Variants in CDH13 observed in about 807,000 individuals in gnomAD.
CDH13 encodes cadherin-13.
A neutral mutation model predicts 63.8 loss-of-function variants in CDH13; 24 were observed. That is an observed-to-expected ratio of 0.38 (90% CI 0.27 to 0.53). The LOEUF is 0.53. Ranked by LOEUF, CDH13 falls within the 20% of genes least tolerant of loss-of-function variation. CDH13 has a pLI of 0.85. For synonymous variants in CDH13, 503 were observed against 355.3 expected, an observed-to-expected ratio of 1.42 and a Z score of -4.67; for missense variants, 1,049 against 903.1, an observed-to-expected ratio of 1.16 and a Z score of -2.07.
At chr16:82,972,989 G>A (rs1050451806) in intron 2 of CDH13, among the ~76,000 whole-genome samples, 3 of 152,042 alleles carry the variant, frequency 2.0e-5, no homozygotes, top group Non-Finnish European at 4.4e-5. Context: ...ATTTGTTCTG[G>A]AGTCTCGACC....
At chr16:82,983,943 G>C (rs1255957687) in intron 2 of CDH13, among the ~76,000 whole-genome samples, 1 of 152,180 alleles carries the variant, frequency 6.6e-6, no homozygotes, top group Non-Finnish European at 1.5e-5. Flanking sequence ...GAAGACACCT[G>C]ACAGAGTGGG....
chr16:82,947,034 G>GTT (rs1486330142), intron 2 of CDH13, among the ~76,000 whole-genome samples: 2 of 151,346 alleles, frequency 1.3e-5, no homozygotes, highest in Non-Finnish European at 2.9e-5. Context: ...GTGTGTGTGT[G>GTT]TGTGTGTGTG....
intron 1 of CDH13, among the ~76,000 whole-genome samples, chr16:82,817,885 A>G (rs1375619295): frequency 1.3e-5 from 2 of 152,202 alleles, no homozygotes; most frequent in African/African-American, 2.4e-5. Context: ...ATATACATCT[A>G]TGTTTACATA....
At chr16:83,665,848 A>G (rs1449924348) in intron 8 of CDH13, among the ~76,000 whole-genome samples, 1 of 152,192 alleles carries the variant, frequency 6.6e-6, no homozygotes, top group African/African-American at 2.4e-5. Flanking sequence ...TGGAGGAAGA[A>G]CATGCATTCT....
rs1275545139 is a variant in CDH13, at chr16:83,191,469, A to ATATG, written c.484-25873_484-25872insGTAT. 4.7e-3 allele frequency among the ~76,000 whole-genome samples: 549 copies of ATATG among 116,972 alleles called. 8 individuals carry two copies. The highest frequency in any genetic ancestry group is 0.016 in the African/African-American group (499 of 32,092). 76.7% of individuals were successfully genotyped at this position (116,972 alleles called of 152,430 possible). A position where few individuals can be genotyped will look rare whatever the true frequency, so the allele number is the denominator to read the frequency against. ...CAGAACTAATAGGAAATATATATAT[A>ATATG]TATATATATATATATATATGCACAT... On this transcript the variant is annotated intron_variant, in intron 4 of 13. Coordinates refer to ENST00000567109, the MANE Select transcript of CDH13 (RefSeq NM_001257.5).
At position 83,031,992 on chromosome 16, in the gene CDH13, G is replaced by C; in HGVS notation, c.158-18G>C. 1 of 1,561,068 alleles carries C rather than the reference G, an allele frequency of 6.4e-7. No individual in the cohort carries two copies. Among genetic ancestry groups the C allele is most frequent in the Non-Finnish European group, 8.7e-7 (1 of 1,150,564 alleles). ...CCAACCTACTCATGCTCCTTCTGTTGTTTCGTTTGTTTCCCAGTGACCTTC... is the reference window on the plus strand; with the variant it reads ...CCAACCTACTCATGCTCCTTCTGTTCTTTCGTTTGTTTCCCAGTGACCTTC... On this transcript the variant is annotated intron_variant, in intron 2 of 13. Transcript: ENST00000567109.
At chr16:82,732,243 A>T (rs1000429349) in intron 1 of CDH13, among the ~76,000 whole-genome samples, 2 of 152,208 alleles carry the variant, frequency 1.3e-5, no homozygotes, top group Middle Eastern at 3.4e-3. Context: ...TTGAAATATT[A>T]TGTTTGTAGC....
intron 6 of CDH13, among the ~76,000 whole-genome samples, chr16:83,391,034 A>G (rs999324793): frequency 6.6e-6 from 1 of 152,146 alleles, no homozygotes; most frequent in African/African-American, 2.4e-5. Flanking sequence ...AACGAACAGT[A>G]TCTACTGGTG....
At chr16:83,437,384 G>C (rs182272172) in intron 6 of CDH13, among the ~76,000 whole-genome samples, 1 of 152,244 alleles carries the variant, frequency 6.6e-6, no homozygotes, top group Non-Finnish European at 1.5e-5. Context: ...CGATTAATAA[G>C]ATAAAGGCTG....
At chr16:83,619,611 G>C (rs1387623983) in intron 8 of CDH13, among the ~76,000 whole-genome samples, 3 of 152,210 alleles carry the variant, frequency 2.0e-5, no homozygotes, top group African/African-American at 7.2e-5. Flanking sequence ...GTGCTCCTGG[G>C]CTTGTGCATG....
At chr16:83,401,850 A>G (rs1384256503) in intron 6 of CDH13, among the ~76,000 whole-genome samples, 1 of 152,136 alleles carries the variant, frequency 6.6e-6, no homozygotes, top group Admixed American at 6.5e-5. Context: ...TGAGCCAAGA[A>G]CCTAGCTCTT....
intron 2 of CDH13, among the ~76,000 whole-genome samples, chr16:82,876,361 T>A (rs2040502763): frequency 6.6e-6 from 1 of 152,238 alleles, no homozygotes; most frequent in South Asian, 2.1e-4. Context: ...GATAATTAAA[T>A]AATCTTTGAA....
chr16:83,552,363 G>T (rs1265189477), intron 7 of CDH13, among the ~76,000 whole-genome samples: 1 of 152,214 alleles, frequency 6.6e-6, no homozygotes. Flanking sequence ...ATATGGGAAA[G>T]GAAATGCCAA....
chr16:83,220,212 G>A (rs936369995), intron 5 of CDH13, among the ~76,000 whole-genome samples: 9 of 152,230 alleles, frequency 5.9e-5, no homozygotes, highest in African/African-American at 2.2e-4. Context: ...AGTTGCTGAA[G>A]CTTCTTCCTT....
At chr16:82,727,148 A>T (rs192707280) in intron 1 of CDH13, among the ~76,000 whole-genome samples, 63 of 152,264 alleles carry the variant, frequency 4.1e-4, no homozygotes, top group African/African-American at 1.4e-3. Flanking sequence ...GTGGCAAATC[A>T]AATGACAGCA....
intron 10 of CDH13, among the ~76,000 whole-genome samples, chr16:83,698,404 A>G (rs1350675369): frequency 1.3e-5 from 2 of 152,216 alleles, no homozygotes; most frequent in African/African-American, 4.8e-5. Flanking sequence ...ACTTTCTCCC[A>G]GTGTCACTGA....
chr16:83,320,124 C>T (rs1168927347), intron 5 of CDH13, among the ~76,000 whole-genome samples: 4 of 152,118 alleles, frequency 2.6e-5, no homozygotes, highest in Non-Finnish European at 4.4e-5. Context: ...ACTGCAGCCT[C>T]GACCTCTCAG....
chr16:82,925,613 A>T (rs1314249383), intron 2 of CDH13, among the ~76,000 whole-genome samples: 1 of 152,214 alleles, frequency 6.6e-6, no homozygotes, highest in African/African-American at 2.4e-5. Context: ...AGGAATGGGT[A>T]TGGCATGGCC....
intron 5 of CDH13, among the ~76,000 whole-genome samples, chr16:83,288,091 A>G (rs746826480): frequency 9.2e-5 from 14 of 152,212 alleles, no homozygotes; most frequent in African/African-American, 1.4e-4. Flanking sequence ...AGTGTCCATC[A>G]TGACCTTTTT....
Sources: gnomAD v4.1 joint callset for allele counts (sites outside exome capture counted in the v4.1 genomes callset) on GRCh38, gnomAD v4.1.1 for gene constraint, MANE v1.5 for transcripts, NCBI Gene and HGNC (gene_info 2026-07-23, HGNC 2026-07-21) for gene names.